The following MEGF10 variants were observed in gnomAD, a reference collection of about 807,000 sequenced individuals.
MEGF10 encodes multiple EGF like domains 10.
Under a neutral mutation model 147.5 loss-of-function variants are expected in MEGF10, and 86 were observed. The observed-to-expected ratio is 0.58, with a 90% CI of 0.49 to 0.70. MEGF10 has a LOEUF of 0.70. Ranked by LOEUF, MEGF10 falls within the 30% of genes least tolerant of loss-of-function variation. MEGF10 has a pLI of 0.00. For synonymous variants in MEGF10, 478 were observed against 525.5 expected (o/e 0.91, Z 1.24); for missense variants, 1,329 against 1,487.3 (o/e 0.89, Z 1.75).
chr5:127,330,768 A>G (rs922765392), intron 1 of MEGF10, among the ~76,000 whole-genome samples: 3 of 152,136 alleles, frequency 2.0e-5, no homozygotes, highest in Admixed American at 1.3e-4. Flanking sequence ...TTTTATATCC[A>G]GTCTTTGAAT....
At chr5:127,331,221 G>A (rs576654206) in intron 1 of MEGF10, 70 bp from the exon 2 acceptor site, 14 of 779,386 alleles carry the variant, frequency 1.8e-5, no homozygotes, top group Non-Finnish European at 2.9e-5. Context: ...CCTGGTGGTT[G>A]CTGTACTGAA....
Position 127,445,659 on chromosome 5 carries a change from T to C in MEGF10, c.2694T>C (p.Ala898=), listed in dbSNP as rs765132454. Residue 898 remains alanine (A), a synonymous_variant, in exon 20 of 25, where the codon GCT becomes GCC. Coordinates refer to ENST00000503335, the MANE Select transcript of MEGF10 (RefSeq NM_001256545.2). ...TGCCAGCAGTTACCTACACCCCTGC[T>C]ATGAGGGTCGTCAATGCAGATTATA... The part of the protein sequence containing the change: ...SSMPAVTYTP[A]MRVVNADYTI... 6.2e-6 allele frequency: 10 copies of C among 1,613,940 alleles called. No homozygotes were observed. The African/African-American group carries it at 1.3e-4, about 22-fold the overall frequency.
chr5:127,315,048 A>G (rs1399849653), intron 1 of MEGF10, among the ~76,000 whole-genome samples: 1 of 152,138 alleles, frequency 6.6e-6, no homozygotes, highest in Non-Finnish European at 1.5e-5. Context: ...AATTTATAAT[A>G]AAGGCAACAG....
At chr5:127,442,429 C>A (rs1765787822) in intron 18 of MEGF10, among the ~76,000 whole-genome samples, 1 of 152,194 alleles carries the variant, frequency 6.6e-6, no homozygotes. Flanking sequence ...CTTTCGTCTT[C>A]AAGACTTCAA....
chr5:127,307,416 C>T (rs1202274910), intron 1 of MEGF10, among the ~76,000 whole-genome samples: 2 of 152,168 alleles, frequency 1.3e-5, no homozygotes, highest in Non-Finnish European at 2.9e-5. Flanking sequence ...CCCAGCTTCG[C>T]CTGGGCTAGA....
chr5:127,327,678 T>G (rs1247994537), intron 1 of MEGF10, among the ~76,000 whole-genome samples: 1 of 151,562 alleles, frequency 6.6e-6, no homozygotes, highest in East Asian at 1.9e-4. Context: ...AGTAAATGAA[T>G]GCCCTATCTG....
At chr5:127,289,105 C>T (rs1434473761), upstream of MEGF10, among the ~76,000 whole-genome samples, 1 of 152,154 alleles carries the variant, frequency 6.6e-6, no homozygotes, top group Non-Finnish European at 1.5e-5. Flanking sequence ...TGCAAGACAA[C>T]CCTCTGAGGT....
chr5:127,241,612 T>C, the MEGF10 span, among the ~76,000 whole-genome samples: 1 of 152,164 alleles, frequency 6.6e-6, no homozygotes, highest in African/African-American at 2.4e-5. Context: ...TACTTGGTGC[T>C]ATGTGTTCCA....
chr5:127,407,329 A>G (rs1166932116), intron 8 of MEGF10, among the ~76,000 whole-genome samples: 1 of 152,204 alleles, frequency 6.6e-6, no homozygotes, highest in Non-Finnish European at 1.5e-5. Context: ...AAGGACATGC[A>G]CAGAAGGTCA....
intron 1 of MEGF10, among the ~76,000 whole-genome samples, chr5:127,317,562 A>G (rs1377494852): frequency 6.6e-6 from 1 of 152,192 alleles, no homozygotes; most frequent in African/African-American, 2.4e-5. Context: ...ACGGAATACT[A>G]TGCAGCCATA....
At chr5:127,231,005 C>G in the MEGF10 span, among the ~76,000 whole-genome samples, 1 of 152,138 alleles carries the variant, frequency 6.6e-6, no homozygotes, top group Non-Finnish European at 1.5e-5. Context: ...CCACCCAAGC[C>G]TTTTAGCCCA....
chr5:127,372,674 C>T (rs953222502), intron 5 of MEGF10, among the ~76,000 whole-genome samples: 1 of 152,132 alleles, frequency 6.6e-6, no homozygotes, highest in African/African-American at 2.4e-5. Context: ...GAATGTTCCC[C>T]AATCTGTGTT....
intron 22 of MEGF10, 95 bp from the exon 23 acceptor site, chr5:127,454,471 C>A: frequency 1.9e-6 from 2 of 1,048,630 alleles, no homozygotes; most frequent in Admixed American, 2.4e-5. Flanking sequence ...TTGTTTGCTG[C>A]AGTGGGAGAT....
At chr5:127,392,734 A>G (rs1205921639) in intron 5 of MEGF10, among the ~76,000 whole-genome samples, 3 of 152,206 alleles carry the variant, frequency 2.0e-5, no homozygotes, top group Admixed American at 6.5e-5. Flanking sequence ...AAGGGTTCCA[A>G]TGTGAGTCTA....
At chr5:127,247,413 G>C in the MEGF10 span, among the ~76,000 whole-genome samples, 22 of 73,192 alleles carry the variant, frequency 3.0e-4, 1 homozygote, top group African/African-American at 1.2e-3. Context: ...AGAAGAAGAA[G>C]AAGAAGAAGA....
chr5:127,343,908 G>A (rs995641390), intron 4 of MEGF10, among the ~76,000 whole-genome samples: 3 of 152,198 alleles, frequency 2.0e-5, no homozygotes, highest in Non-Finnish European at 4.4e-5. Context: ...GGCTCACCTT[G>A]TGAAGGAGTC....
the MEGF10 span, among the ~76,000 whole-genome samples, chr5:127,238,528 G>A: frequency 1.9e-4 from 29 of 152,290 alleles, no homozygotes; most frequent in African/African-American, 6.7e-4. Flanking sequence ...AGCCATATAG[G>A]AAGAGTTCTG....
chr5:127,453,809 C>T (rs1225189056), intron 22 of MEGF10, among the ~76,000 whole-genome samples: 6 of 152,194 alleles, frequency 3.9e-5, no homozygotes, highest in Middle Eastern at 3.4e-3. Context: ...TTTAGTAGTG[C>T]GAATTTGTGA....
chr5:127,306,349 TAGTG>T (rs985419044), intron 1 of MEGF10, among the ~76,000 whole-genome samples: 1 of 152,100 alleles, frequency 6.6e-6, no homozygotes, highest in Non-Finnish European at 1.5e-5. Flanking sequence ...AACAAAGTGT[TAGTG>T]AGTGAAGAAA....
Sources: gnomAD v4.1 joint callset for allele counts (sites outside exome capture counted in the v4.1 genomes callset) on GRCh38, gnomAD v4.1.1 for gene constraint, MANE v1.5 for transcripts, NCBI Gene and HGNC (gene_info 2026-07-23, HGNC 2026-07-21) for gene names.